The following ZSCAN23 variants were observed in gnomAD, a reference collection of about 807,000 sequenced individuals.
ZSCAN23 encodes the protein zinc finger and SCAN domain containing 23.
In ZSCAN23, 19 loss-of-function variants were observed where a neutral mutation model predicts 19.3. That is an observed-to-expected ratio of 0.99 (90% CI 0.69 to 1.45). ZSCAN23 has a LOEUF of 1.45. Ranked by LOEUF, ZSCAN23 falls within the 40% of genes most tolerant of loss-of-function variation. The pLI, the probability that ZSCAN23 is intolerant of heterozygous loss-of-function variation, is 0.00. For synonymous variants in ZSCAN23, 140 were observed against 166.2 expected, an observed-to-expected ratio of 0.84 and a Z score of 1.21; for missense variants, 372 against 462.5, an observed-to-expected ratio of 0.80 and a Z score of 1.79.
In ZSCAN23 at chr6:28,434,194, G is replaced by A. The variant is rs1015780786; in HGVS notation, c.*271C>T. On this transcript the variant is annotated 3_prime_UTR_variant, in exon 4 of 4. Coordinates refer to ENST00000289788, the MANE Select transcript of ZSCAN23 (RefSeq NM_001012455.2). The stretch of plus-strand genomic sequence containing the variant: ...AAAAGTTTTTAAAAACTAGGATGAA[G>A]AAGTTTTCCTGAAATAGAAAACTTC... 3.0e-6 allele frequency: 1 copy of A among 338,312 alleles called. No individual in the cohort carries two copies. 21.0% of individuals were successfully genotyped at this position (338,312 alleles called of 1,614,324 possible). A position where few individuals can be genotyped will look rare whatever the true frequency, so the allele number is the denominator to read the frequency against.
chr6:28,440,223 CA>C (rs935052369), intron 1 of ZSCAN23, among the ~76,000 whole-genome samples: 1 of 152,088 alleles, frequency 6.6e-6, no homozygotes, highest in African/African-American at 2.4e-5. Flanking sequence ...ACAAAGAAAA[CA>C]AAAGGGAAAG....
In ZSCAN23 at chr6:28,443,468, C is replaced by T. The variant is rs1762046030; in HGVS notation, c.-147G>A. 1 of 152,266 alleles carries T rather than the reference C, an allele frequency of 6.6e-6. No individual in the cohort carries two copies. Among genetic ancestry groups the T allele is most frequent in the Non-Finnish European group, 1.5e-5 (1 of 68,058 alleles). The allele number at this position is 152,266 out of a possible 1,614,324, so 9.4% of individuals were successfully genotyped here. ...TGCTCTGAATCCTTGACAACCGCAG[C>T]CCAAAGAATGATAAACTACAAAGGC... On this transcript the variant is annotated 5_prime_UTR_variant, in exon 1 of 4. Coordinates refer to ENST00000289788, the MANE Select transcript of ZSCAN23 (RefSeq NM_001012455.2).
At chr6:28,431,114 C>G (rs959005187), downstream of ZSCAN23, among the ~76,000 whole-genome samples, 1 of 152,042 alleles carries the variant, frequency 6.6e-6, no homozygotes, top group African/African-American at 2.4e-5. Flanking sequence ...TGGGGGGGCC[C>G]TCTGTTTTGT....
chr6:28,421,690 T>C, the ZSCAN23 span, among the ~76,000 whole-genome samples: 1 of 152,194 alleles, frequency 6.6e-6, no homozygotes, highest in Non-Finnish European at 1.5e-5. Flanking sequence ...TCTTAGACTA[T>C]AGCACATGAT....
the ZSCAN23 span, among the ~76,000 whole-genome samples, chr6:28,423,200 C>A: frequency 2.2e-4 from 34 of 152,240 alleles, no homozygotes; most frequent in African/African-American, 7.7e-4. Context: ...CAGGGATACA[C>A]AGACAAAGAG....
At chr6:28,436,554 G>A (rs1490347083) in intron 1 of ZSCAN23, among the ~76,000 whole-genome samples, 1 of 152,076 alleles carries the variant, frequency 6.6e-6, no homozygotes, top group Non-Finnish European at 1.5e-5. Flanking sequence ...CTGAAGGAAG[G>A]TACTGTTTCA....
chr6:28,434,563 C>T lies in ZSCAN23; in HGVS notation c.1072G>A (p.Glu358Lys). ...LIKHQRIHTGERPYECEECGK... is the reference protein window; with the variant it reads ...LIKHQRIHTGKRPYECEECGK... ...CATTCTTCACATTCATAAGGTCTCT[C>T]TCCAGTGTGAATTCTCTGATGCTTA... is the stretch of plus-strand genomic sequence containing the variant. The change falls in exon 4 of 4, where the codon GAG (glutamate) becomes AAG (lysine). Residue 358 changes from glutamate to lysine, a missense_variant. Physicochemically the swap from Glu to Lys is moderately conservative, Grantham distance 56 (BLOSUM62 1). Transcript: ENST00000289788. The T allele has an allele frequency of 6.4e-7, 1 of 1,554,504 alleles. No homozygotes were observed. Among genetic ancestry groups the T allele is most frequent in the Non-Finnish European group, 8.7e-7 (1 of 1,148,604 alleles).
downstream of ZSCAN23, chr6:28,432,038 C>G (rs1469735948): frequency 6.6e-6 from 1 of 152,034 alleles, no homozygotes; most frequent in Non-Finnish European, 1.5e-5. Context: ...TCTCAGGGCT[C>G]CAAGTGTAAG....
chr6:28,428,416 C>T (rs1213429201), downstream of ZSCAN23, among the ~76,000 whole-genome samples: 97 of 152,180 alleles, frequency 6.4e-4, 1 homozygote, highest in Non-Finnish European at 2.8e-4. Flanking sequence ...TCCCTGGCTA[C>T]ATTTATTTTA....
chr6:28,440,789 A>G (rs1195906545), intron 1 of ZSCAN23, among the ~76,000 whole-genome samples: 1 of 152,142 alleles, frequency 6.6e-6, no homozygotes, highest in East Asian at 1.9e-4. Context: ...CAGTTTCCCA[A>G]ATACAAATTT....
In ZSCAN23 at chr6:28,434,803, C is replaced by G; in HGVS notation, c.832G>C (p.Glu278Gln). The G allele has an allele frequency of 6.3e-7, 1 of 1,599,188 alleles. No homozygotes were observed. Among genetic ancestry groups the G allele is most frequent in the Non-Finnish European group, 8.5e-7 (1 of 1,172,562 alleles). Residue 278 changes from glutamate to glutamine, a missense_variant, in exon 4 of 4, where the codon GAA becomes CAA. Physicochemically the swap from Glu to Gln is conservative, Grantham distance 29 (BLOSUM62 2). Coordinates refer to ENST00000289788, the MANE Select transcript of ZSCAN23 (RefSeq NM_001012455.2). ...QRTHTGEKPY[E>Q]CDECGRAFSQ... The stretch of plus-strand genomic sequence containing the variant: ...AAGGCCCGCCCACACTCATCACATT[C>G]ATAAGGCTTCTCACCTGTGTGTGTT...
rs1761801212 is a variant in ZSCAN23, at chr6:28,433,448, T to C, written c.*1017A>G. Reference sequence around the variant, plus strand: ...AAAGTTACTTGCTATGTATTGGGTATTTGGGTGTATTCCAAACCAGATTGT... The same window carrying C: ...AAAGTTACTTGCTATGTATTGGGTACTTGGGTGTATTCCAAACCAGATTGT... On this transcript the variant is annotated 3_prime_UTR_variant, in exon 4 of 4. Coordinates refer to ENST00000289788, the MANE Select transcript of ZSCAN23 (RefSeq NM_001012455.2). 6.6e-6 allele frequency: 1 copy of C among 152,184 alleles called. No homozygotes were observed. 9.4% of individuals were successfully genotyped at this position (152,184 alleles called of 1,614,324 possible).
At chr6:28,442,833 G>C (rs1000212999) in intron 1 of ZSCAN23, among the ~76,000 whole-genome samples, 4 of 152,078 alleles carry the variant, frequency 2.6e-5, no homozygotes, top group African/African-American at 9.7e-5. Context: ...AGAGAGGTGG[G>C]GTGTAGTCTA....
At chr6:28,435,238 C>T (rs1207952224) in intron 3 of ZSCAN23, among the ~76,000 whole-genome samples, 160 bp from the exon 4 acceptor site, 1 of 152,118 alleles carries the variant, frequency 6.6e-6, no homozygotes, top group Non-Finnish European at 1.5e-5. Flanking sequence ...ATACCCAGAC[C>T]TCAGGGAAAA....
At chr6:28,425,509 T>G in the ZSCAN23 span, among the ~76,000 whole-genome samples, 1 of 152,096 alleles carries the variant, frequency 6.6e-6, no homozygotes, top group Admixed American at 6.5e-5. Flanking sequence ...TGTATTTTTT[T>G]GTAGAGACAG....
chr6:28,441,090 C>T (rs915712089), intron 1 of ZSCAN23, among the ~76,000 whole-genome samples: 48 of 152,214 alleles, frequency 3.2e-4, no homozygotes, highest in African/African-American at 1.1e-3. Context: ...GTTGGTTCCT[C>T]CTAGAGCCTC....
chr6:28,424,822 G>A, the ZSCAN23 span, among the ~76,000 whole-genome samples: 1 of 152,170 alleles, frequency 6.6e-6, no homozygotes, highest in African/African-American at 2.4e-5. Context: ...ACCTGTGAAA[G>A]TCATCCATGA....
At position 28,443,461 on chromosome 6, in the gene ZSCAN23, A is replaced by C. The variant is rs1762045410; in HGVS notation, c.-140T>G. The C allele has an allele frequency of 6.6e-6, 1 of 152,232 alleles. No individual in the cohort carries two copies. Among genetic ancestry groups the C allele is most frequent in the South Asian group, 2.1e-4 (1 of 4,832 alleles). 9.4% of individuals were successfully genotyped at this position (152,232 alleles called of 1,614,324 possible). On this transcript the variant is annotated 5_prime_UTR_variant, in exon 1 of 4. Coordinates refer to ENST00000289788, the MANE Select transcript of ZSCAN23 (RefSeq NM_001012455.2). ...TCACATCTGCTCTGAATCCTTGACA[A>C]CCGCAGCCCAAAGAATGATAAACTA... is the stretch of plus-strand genomic sequence containing the variant.
At chr6:28,423,275 C>T in the ZSCAN23 span, among the ~76,000 whole-genome samples, 2 of 152,202 alleles carry the variant, frequency 1.3e-5, no homozygotes, top group Non-Finnish European at 2.9e-5. Context: ...ATAAATAACT[C>T]TGGCCAATAA....
Sources: allele counts gnomAD v4.1 joint callset (sites outside exome capture counted in the v4.1 genomes callset), GRCh38; gene constraint gnomAD v4.1.1; transcripts MANE v1.5; gene names NCBI Gene and HGNC (gene_info 2026-07-23, HGNC 2026-07-21).